The following AATK variants were observed in gnomAD, a reference collection of about 807,000 sequenced individuals.
AATK encodes the protein lemur tail kinase 1.
A neutral mutation model predicts 114.3 loss-of-function variants in AATK; 91 were observed. The ratio of observed to expected loss-of-function variants is 0.80; its 90% CI spans 0.67 to 0.95. AATK has a LOEUF of 0.95. AATK is among the 40% of genes least tolerant of loss of function. The pLI is 0.00. For missense variants in AATK, 2,176 were observed against 1,965.2 expected (o/e 1.11, Z -2.03); for synonymous variants, 1,075 against 916.5 (o/e 1.17, Z -3.12).
intron 1 of AATK, among the ~76,000 whole-genome samples, chr17:81,165,195 G>C (rs2061471640): frequency 6.6e-6 from 1 of 152,242 alleles, no homozygotes; most frequent in Non-Finnish European, 1.5e-5. Flanking sequence ...ACTGCTTCCT[G>C]GTGACAGATG....
At position 81,119,470 on chromosome 17, in the gene AATK, C is replaced by CGGGCGTGGGCGT. The variant is rs376907005; in HGVS notation, c.3982_3993dup (p.Thr1328_Pro1331dup). ...GACACCGTGAAGCGCGAGAAGGGAGCGGGCGTGGGCGTGGGCGCAGCCGGG... is the reference window on the plus strand; with the variant it reads ...GACACCGTGAAGCGCGAGAAGGGAGCGGGCGTGGGCGTGGGCGTGGGCGTGGGCGCAGCCGGG... On this transcript the variant is annotated inframe_insertion, in exon 13 of 14. Coordinates refer to ENST00000326724, the MANE Select transcript of AATK (RefSeq NM_001080395.3). 556 of 1,505,720 alleles carry CGGGCGTGGGCGT rather than the reference C, an allele frequency of 3.7e-4. 1 individual carries two copies. Among genetic ancestry groups the CGGGCGTGGGCGT allele is most frequent in the South Asian group, 1.5e-3 (115 of 76,618 alleles). The allele number at this position is 1,505,720 out of a possible 1,614,324, so 93.3% of individuals were successfully genotyped here. A position where few individuals can be genotyped will look rare whatever the true frequency, so the allele number is the denominator to read the frequency against.
chr17:81,123,022 C>T (rs1295891748), intron 10 of AATK, among the ~76,000 whole-genome samples, 172 bp downstream of exon 10: 5 of 152,184 alleles, frequency 3.3e-5, no homozygotes, highest in African/African-American at 1.2e-4. Context: ...ATCCTTAAGC[C>T]TTCCCTCCCT....
Position 81,120,324 on chromosome 17 carries a change from C to A in AATK, c.3612G>T (p.Ala1204=). The A allele has an allele frequency of 6.2e-7, 1 of 1,610,710 alleles. No individual in the cohort carries two copies. Among genetic ancestry groups the A allele is most frequent in the South Asian group, 1.1e-5 (1 of 91,060 alleles). The change falls in exon 11 of 14, where the codon GCG becomes GCT. Residue 1204 remains alanine (A), a synonymous_variant. Coordinates refer to ENST00000326724, the MANE Select transcript of AATK (RefSeq NM_001080395.3). ...TCTTGAGCAGGCTGCGCAGGTTGCGCGCGCTCTGGCTCTCAGCCACCACCA... is the reference window on the plus strand; with the variant it reads ...TCTTGAGCAGGCTGCGCAGGTTGCGAGCGCTCTGGCTCTCAGCCACCACCA... ...VPVVVAESQS[A]RNLRSLLKMP...
At chr17:81,139,684 C>T (rs1299895717) in intron 1 of AATK, among the ~76,000 whole-genome samples, 1 of 152,240 alleles carries the variant, frequency 6.6e-6, no homozygotes, top group Non-Finnish European at 1.5e-5. Context: ...TCAAAGCACA[C>T]CCTCCAACCC....
At chr17:81,163,447 C>T (rs1187174453) in intron 1 of AATK, among the ~76,000 whole-genome samples, 1 of 152,242 alleles carries the variant, frequency 6.6e-6, no homozygotes, top group Non-Finnish European at 1.5e-5. Flanking sequence ...GCCATGCCCA[C>T]ACTAGTCTCC....
intron 10 of AATK, 66 bp from the exon 11 acceptor site, chr17:81,122,889 G>A: frequency 7.4e-7 from 1 of 1,351,332 alleles, no homozygotes. Context: ...CCCTGGAGCA[G>A]GGATGGGGGT....
At chr17:81,165,739 C>A (rs766240332) in intron 1 of AATK, 199 bp downstream of exon 1, 150 of 1,524,292 alleles carry the variant, frequency 9.8e-5, no homozygotes, top group Non-Finnish European at 1.3e-4. Flanking sequence ...AGCCCACAGG[C>A]GGAGGCCGGT....
chr17:81,133,896 T>A (rs2060972598), intron 2 of AATK, among the ~76,000 whole-genome samples: 1 of 152,148 alleles, frequency 6.6e-6, no homozygotes, highest in Admixed American at 6.5e-5. Flanking sequence ...TGACTCCAAC[T>A]GGCAAGAAGG....
intron 1 of AATK, among the ~76,000 whole-genome samples, chr17:81,140,924 A>ACCATGGGG (rs1567819891): frequency 5.0e-4 from 22 of 44,112 alleles, no homozygotes; most frequent in South Asian, 3.0e-3. Flanking sequence ...GGGCCGTGGG[A>ACCATGGGG]CCGTGGGACC....
chr17:81,117,812 C>T lies in AATK; in HGVS notation c.*590G>A, dbSNP rs144376639. 5.8e-3 allele frequency: 892 copies of T among 152,596 alleles called. 9 individuals are homozygous for T. Among genetic ancestry groups the T allele is most frequent in the South Asian group, 0.04 (195 of 4,858 alleles). 9.5% of individuals were successfully genotyped at this position (152,596 alleles called of 1,614,324 possible). On this transcript the variant is annotated 3_prime_UTR_variant, in exon 14 of 14. Transcript: ENST00000326724. ...GGGAAGGGTGGGCTTACGGGTCTAGCTGAGTCAGTGAAGGGGAAACAGCCA... is the reference window on the plus strand; with the variant it reads ...GGGAAGGGTGGGCTTACGGGTCTAGTTGAGTCAGTGAAGGGGAAACAGCCA...
In AATK at chr17:81,131,102, G is replaced by C; in HGVS notation, c.293C>G (p.Thr98Arg). Reference protein sequence around the residue: ...NGPDVYVLPLTEVSLPMAKQP... With the variant: ...NGPDVYVLPLREVSLPMAKQP... The stretch of plus-strand genomic sequence containing the variant: ...CTTGGCCATGGGCAAGGAGACCTCC[G>C]TGAGTGGCAGGACGTACACGTCGGG... Residue 98 changes from threonine to arginine, a missense_variant, in exon 3 of 14, where the codon ACG becomes AGG. Transcript: ENST00000326724. 6 of 1,558,986 alleles carry C rather than the reference G, an allele frequency of 3.8e-6. No individual in the cohort carries two copies. The highest frequency in any genetic ancestry group is 4.3e-6 in the Non-Finnish European group (5 of 1,151,824).
intron 1 of AATK, among the ~76,000 whole-genome samples, chr17:81,149,817 C>G (rs796221074): frequency 1.2e-4 from 19 of 152,324 alleles, no homozygotes; most frequent in African/African-American, 4.3e-4. Flanking sequence ...CAACGGCAGT[C>G]AGCCCCCATC....
chr17:81,129,475 G>A (rs563128344), intron 3 of AATK, among the ~76,000 whole-genome samples: 6 of 152,294 alleles, frequency 3.9e-5, no homozygotes, highest in East Asian at 1.9e-4. Context: ...CCTTCTCTGC[G>A]GTCCCCAGCG....
intron 1 of AATK, among the ~76,000 whole-genome samples, chr17:81,164,822 G>A (rs1026368253): frequency 1.3e-5 from 2 of 152,126 alleles, no homozygotes; most frequent in Non-Finnish European, 1.5e-5. Flanking sequence ...CGAGCCCCAG[G>A]GGTCACTACA....
At chr17:81,137,184 G>T (rs547337068) in intron 1 of AATK, among the ~76,000 whole-genome samples, 8 of 152,104 alleles carry the variant, frequency 5.3e-5, no homozygotes, top group South Asian at 2.1e-4. Flanking sequence ...CTCGAACCCA[G>T]GAGGCGGAGG....
rs1325460457 is a variant in AATK, at chr17:81,120,615, C to A, written c.3321G>T (p.Pro1107=). Residue 1107 remains proline (P), a synonymous_variant, in exon 11 of 14, where the codon CCG becomes CCT. Coordinates refer to ENST00000326724, the MANE Select transcript of AATK (RefSeq NM_001080395.3). ...CAGAGCTGTTGCCTTCTGATCTCAG[C>A]GGAACCGGGGTCAGCAGGAAAAACT... The part of the protein sequence containing the change: ...CSQFFLLTPV[P]LRSEGNSSEF... The A allele has an allele frequency of 1.3e-6, 2 of 1,550,762 alleles. No homozygotes were observed. The highest frequency in any genetic ancestry group is 1.7e-6 in the Non-Finnish European group (2 of 1,151,226).
At position 81,121,076 on chromosome 17, in the gene AATK, C is replaced by T. The variant is rs1427893271; in HGVS notation, c.2860G>A (p.Ala954Thr). 5 of 1,606,846 alleles carry T rather than the reference C, an allele frequency of 3.1e-6. No individual in the cohort carries two copies. The East Asian group carries it at 8.9e-5, about 29-fold the overall frequency. ...YESPEFVLKE[A>T]QEGCEPQAFA... is the part of the protein sequence containing the mutation. Reference sequence around the variant, plus strand: ...GCCTGGGGCTCACACCCTTCCTGCGCCTCCTTGAGCACAAACTCAGGGGAC... The same window carrying T: ...GCCTGGGGCTCACACCCTTCCTGCGTCTCCTTGAGCACAAACTCAGGGGAC... The change falls in exon 11 of 14, where the codon GCG (alanine) becomes ACG (threonine). Residue 954 changes from alanine (A) to threonine (T), a missense_variant. Ala to Thr is a moderately conservative substitution (Grantham distance 58). Transcript: ENST00000326724.
rs2060588562 is a variant in AATK, at chr17:81,117,989, C to T, written c.*413G>A. 1.8e-5 allele frequency: 3 copies of T among 169,056 alleles called. No individual in the cohort carries two copies. The highest frequency in any genetic ancestry group is 1.8e-4 in the South Asian group (1 of 5,592). 10.5% of individuals were successfully genotyped at this position (169,056 alleles called of 1,614,324 possible). A position where few individuals can be genotyped will look rare whatever the true frequency, so the allele number is the denominator to read the frequency against. Reference sequence around the variant, plus strand: ...CCAGTGTCTCGGGGCCATGCCTCGTCCTGGTTTAAGTGTCCTGTGAGCACA... The same window carrying T: ...CCAGTGTCTCGGGGCCATGCCTCGTTCTGGTTTAAGTGTCCTGTGAGCACA... On this transcript the variant is annotated 3_prime_UTR_variant, in exon 14 of 14. Transcript: ENST00000326724.
At chr17:81,141,800 G>A (rs1313971904) in intron 1 of AATK, among the ~76,000 whole-genome samples, 1 of 152,206 alleles carries the variant, frequency 6.6e-6, no homozygotes, top group African/African-American at 2.4e-5. Context: ...GGCTGGACGC[G>A]CTGGGGGCAG....
Sources: gnomAD v4.1 joint callset for allele counts (sites outside exome capture counted in the v4.1 genomes callset) on GRCh38, gnomAD v4.1.1 for gene constraint, MANE v1.5 for transcripts, NCBI Gene and HGNC (gene_info 2026-07-23, HGNC 2026-07-21) for gene names.